Variants in ATRX observed in about 807,000 individuals in gnomAD.
ATRX encodes the protein chromatin remodeler ATRX.
In ATRX, 12 loss-of-function variants were observed where a neutral mutation model predicts 172.6. The observed-to-expected ratio is 0.07, with a 90% CI of 0.04 to 0.11. ATRX has a LOEUF of 0.11. Among genes scored for constraint, ATRX ranks in the 10% least tolerant of loss-of-function variants. ATRX has a pLI of 1.00. For missense variants in ATRX, 1,368 were observed against 1,767.4 expected (o/e 0.77, Z 4.05); for synonymous variants, 674 against 594.7 (o/e 1.13, Z -1.94).
intron 12 of ATRX, among the ~76,000 whole-genome samples, chrX:77,661,467 GAAA>G (rs202111882): frequency 1.1e-5 from 1 of 91,388 alleles, no homozygotes; most frequent in Non-Finnish European, 2.1e-5. Context: ...TACAGTAATT[GAAA>G]AAAAAAAAAA....
At chrX:77,681,379 T>A (rs782220927) in intron 9 of ATRX, 141 bp downstream of exon 9, 9 of 577,012 alleles carry the variant, frequency 1.6e-5, no homozygotes, top group South Asian at 1.1e-4. Context: ...AAACTTTTTT[T>A]AATAAACTCC....
intron 25 of ATRX, 134 bp downstream of exon 25, chrX:77,599,277 A>G: frequency 1.5e-6 from 1 of 661,590 alleles, no homozygotes. Context: ...AATTATGAGT[A>G]CTTGATTAGA....
At chrX:77,530,377 C>T (rs952523510) in intron 30 of ATRX, among the ~76,000 whole-genome samples, 41 of 110,929 alleles carry the variant, frequency 3.7e-4, no homozygotes, top group Middle Eastern at 4.7e-3. Flanking sequence ...GAGGCTGAGG[C>T]GGGTGGATCA....
At position 77,569,028 on chromosome X, in the gene ATRX, C is replaced by A. The variant is rs541155620; in HGVS notation, c.6326+5222G>T. On this transcript the variant is annotated intron_variant, in intron 28 of 34. Transcript: ENST00000373344. ...CTCAAAGAGGCTGAGGCAGGAGGAT[C>A]CCTTGAGCCTAGGAGTTCGAGGCTG... 2.1e-4 allele frequency among the ~76,000 whole-genome samples: 23 copies of A among 111,132 alleles called. No individual in the cohort carries two copies. The South Asian group carries it at 8.4e-3, about 41-fold the overall frequency.
chrX:77,571,209 A>T (rs781801096), intron 28 of ATRX, among the ~76,000 whole-genome samples: 2 of 112,049 alleles, frequency 1.8e-5, no homozygotes, highest in East Asian at 2.8e-4. Flanking sequence ...CTGGGCATTT[A>T]TCCTAGAGAA....
intron 1 of ATRX, among the ~76,000 whole-genome samples, chrX:77,744,151 T>C (rs1439419089): frequency 1.8e-5 from 2 of 111,847 alleles, no homozygotes; most frequent in Non-Finnish European, 3.8e-5. Context: ...CCCCCATCTC[T>C]AAAAGAAAAT....
Position 77,583,630 on chromosome X carries a change from A to G in ATRX, c.6217+6204T>C, listed in dbSNP as rs782335279. Among the ~76,000 whole-genome samples the G allele has an allele frequency of 6.2e-5, 7 of 112,006 alleles. No individual in the cohort carries two copies. The East Asian group carries it at 2.0e-3, about 31-fold the overall frequency. On this transcript the variant is annotated intron_variant, in intron 27 of 34. Transcript: ENST00000373344. ...AAAAAACACTAAAAAAACTAAGTACATAAGGAACATACCTCAAAAATAATA... is the reference window on the plus strand; with the variant it reads ...AAAAAACACTAAAAAAACTAAGTACGTAAGGAACATACCTCAAAAATAATA...
rs2148245476 is a variant in ATRX, at chrX:77,616,716, T to A, written c.5463A>T (p.Thr1821=). Residue 1821 remains threonine (T), a synonymous_variant, in exon 22 of 35, where the codon ACA becomes ACT. Coordinates refer to ENST00000373344, the MANE Select transcript of ATRX (RefSeq NM_000489.6). The part of the protein sequence containing the change: ...LAGCVQRKDY[T]ALTKFLPPKH... ...TTGGAGGCAAGAATTTTGTTAATGC[T>A]GTATAATCTTTCCTCTGTAATTAAC... 1 of 1,167,915 alleles carries A rather than the reference T, an allele frequency of 8.6e-7. No individual in the cohort carries two copies. The highest frequency in any genetic ancestry group is 1.2e-6 in the Non-Finnish European group (1 of 856,188).
chrX:77,584,319 C>T (rs1557075676), intron 27 of ATRX, among the ~76,000 whole-genome samples: 1 of 111,071 alleles, frequency 9.0e-6, no homozygotes, highest in Non-Finnish European at 1.9e-5. Flanking sequence ...AAAAAACAAC[C>T]CTAAAAATTT....
At chrX:77,600,624 A>G in intron 22 of ATRX, 60 bp from the exon 23 acceptor site, 1 of 1,149,706 alleles carries the variant, frequency 8.7e-7, no homozygotes, top group Non-Finnish European at 1.2e-6. Context: ...AAGTTTCTAG[A>G]TTAGGAGTTT....
chrX:77,658,464 G>A (rs1392337202), intron 12 of ATRX, among the ~76,000 whole-genome samples: 4 of 112,257 alleles, frequency 3.6e-5, no homozygotes, highest in Non-Finnish European at 7.5e-5. Flanking sequence ...TCGATGCAAT[G>A]TGAGATCCTG....
At chrX:77,752,272 CTGTT>C (rs2075329518) in intron 1 of ATRX, among the ~76,000 whole-genome samples, 1 of 111,454 alleles carries the variant, frequency 9.0e-6, no homozygotes, top group African/African-American at 3.3e-5. Flanking sequence ...CATAATTTGG[CTGTT>C]TGTCTATTAT....
Position 77,745,163 on chromosome X carries a change from T to A in ATRX, c.21-27920A>T, listed in dbSNP as rs187110232. 8.7e-3 allele frequency among the ~76,000 whole-genome samples: 734 copies of A among 84,562 alleles called. 8 individuals are homozygous for A. Among genetic ancestry groups the A allele is most frequent in the African/African-American group, 0.031 (685 of 21,786 alleles). 73.4% of individuals were successfully genotyped at this position (84,562 alleles called of 115,157 possible). ...GCCTGGGCAACAGAGTGAGACCCTG[T>A]CTCAAAAATGAAAAAAAAAAAAAAA... On this transcript the variant is annotated intron_variant, in intron 1 of 34. Transcript: ENST00000373344.
At chrX:77,739,781 G>T (rs993220808) in intron 1 of ATRX, among the ~76,000 whole-genome samples, 1 of 109,705 alleles carries the variant, frequency 9.1e-6, no homozygotes, top group Non-Finnish European at 1.9e-5. Context: ...CAGGCAAGGT[G>T]GCTCATACTT....
In ATRX at chrX:77,683,602, T is replaced by C. The variant is rs2148617693; in HGVS notation, c.1654A>G (p.Thr552Ala). 8.3e-7 allele frequency: 1 copy of C among 1,211,873 alleles called. No individual in the cohort carries two copies. The highest frequency in any genetic ancestry group is 1.1e-6 in the Non-Finnish European group (1 of 895,458). ...VDHQGDGSSG[T>A]EQEVESSSVK... is the part of the protein sequence containing the mutation. ...GATGAACTCTCCACTTCTTGTTCAG[T>C]TCCACTGCTGCCATCCCCTTGATGA... The change falls in exon 9 of 35, where the codon ACT becomes GCT. Residue 552 changes from threonine (T) to alanine (A), a missense_variant. Transcript: ENST00000373344.
chrX:77,738,335 CA>C (rs782036880), intron 1 of ATRX, among the ~76,000 whole-genome samples: 226 of 71,151 alleles, frequency 3.2e-3, no homozygotes, highest in African/African-American at 8.5e-3. Flanking sequence ...ACCCTGTCTC[CA>C]AAAAAAAAAA....
intron 9 of ATRX, 123 bp downstream of exon 9, chrX:77,681,396 AT>A (rs2071182588): frequency 1.2e-5 from 8 of 659,702 alleles, no homozygotes; most frequent in South Asian, 9.3e-5. Context: ...CTCCTAAATA[AT>A]TTTTAAGTGG....
chrX:77,529,710 A>G (rs781787045), intron 30 of ATRX, among the ~76,000 whole-genome samples: 3 of 112,096 alleles, frequency 2.7e-5, no homozygotes, highest in Non-Finnish European at 5.6e-5. Context: ...AAAACACTGA[A>G]GTACACAGTC....
intron 27 of ATRX, among the ~76,000 whole-genome samples, chrX:77,583,614 T>TA (rs2065906490): frequency 9.1e-6 from 1 of 110,327 alleles, no homozygotes; most frequent in Non-Finnish European, 1.9e-5. Context: ...GAAAAAACAC[T>TA]AAAAAAACTA....
Sources: allele counts gnomAD v4.1 joint callset (sites outside exome capture counted in the v4.1 genomes callset), GRCh38; gene constraint gnomAD v4.1.1; transcripts MANE v1.5; gene names NCBI Gene and HGNC (gene_info 2026-07-23, HGNC 2026-07-21).